The following THSD7A variants were observed in gnomAD, a reference collection of about 807,000 sequenced individuals.
THSD7A encodes the protein thrombospondin type 1 domain containing 7A.
Under a neutral mutation model 231.3 loss-of-function variants are expected in THSD7A, and 96 were observed. The observed-to-expected ratio is 0.41, with a 90% CI of 0.35 to 0.49. THSD7A has a LOEUF of 0.49. THSD7A is among the 20% of genes least tolerant of loss of function. The pLI, the probability that THSD7A is intolerant of heterozygous loss-of-function variation, is 0.05. For missense variants in THSD7A, 2,290 were observed against 2,070.2 expected (o/e 1.11, Z -2.06); for synonymous variants, 940 against 743.3 (o/e 1.26, Z -4.30).
At chr7:11,440,754 G>T (rs1310584913) in intron 13 of THSD7A, among the ~76,000 whole-genome samples, 7 of 152,068 alleles carry the variant, frequency 4.6e-5, no homozygotes, top group Non-Finnish European at 7.4e-5. Flanking sequence ...AGCAAAGAAA[G>T]TGTTTCTTAA....
At chr7:11,756,895 G>C (rs1782696085) in intron 1 of THSD7A, among the ~76,000 whole-genome samples, 1 of 151,982 alleles carries the variant, frequency 6.6e-6, no homozygotes, top group African/African-American at 2.4e-5. Context: ...CTAGGGTTTT[G>C]AGATTATTTT....
chr7:11,510,043 G>C (rs1787739103), intron 6 of THSD7A, among the ~76,000 whole-genome samples: 1 of 151,674 alleles, frequency 6.6e-6, no homozygotes, highest in African/African-American at 2.4e-5. Context: ...CCCACTACTG[G>C]GTATCTACCC....
intron 4 of THSD7A, among the ~76,000 whole-genome samples, chr7:11,583,403 T>C (rs1226206984): frequency 3.3e-5 from 5 of 151,998 alleles, no homozygotes; most frequent in Admixed American, 2.6e-4. Context: ...CAGCCTCCCA[T>C]GTAGATGGGA....
chr7:11,537,862 C>T (rs1215348685), intron 6 of THSD7A, among the ~76,000 whole-genome samples: 1 of 152,178 alleles, frequency 6.6e-6, no homozygotes, highest in Non-Finnish European at 1.5e-5. Context: ...CCTCAGTGCT[C>T]ATCTCCACAT....
intron 2 of THSD7A, among the ~76,000 whole-genome samples, chr7:11,606,662 C>T (rs953189085): frequency 2.9e-5 from 3 of 102,784 alleles, no homozygotes; most frequent in Non-Finnish European, 8.3e-5. Context: ...TTTAATAATA[C>T]TTTTTTATAT....
chr7:11,616,947 A>G (rs1450388353), intron 2 of THSD7A, among the ~76,000 whole-genome samples: 1 of 152,222 alleles, frequency 6.6e-6, no homozygotes, highest in Non-Finnish European at 1.5e-5. Context: ...AAATGTAATT[A>G]TCATCTTATT....
At chr7:11,678,180 G>A (rs1368008488) in intron 1 of THSD7A, among the ~76,000 whole-genome samples, 2 of 152,126 alleles carry the variant, frequency 1.3e-5, no homozygotes, top group African/African-American at 2.4e-5. Context: ...GAATATCTGG[G>A]ACACAGCTAA....
chr7:11,449,611 A>G (rs1310350162), intron 11 of THSD7A, among the ~76,000 whole-genome samples: 1 of 152,076 alleles, frequency 6.6e-6, no homozygotes, highest in Middle Eastern at 3.2e-3. Context: ...AAATTTGTAC[A>G]GGGAATAGAT....
In THSD7A at chr7:11,634,612, T is replaced by TAC. The variant is rs906106757; in HGVS notation, c.1022+1516_1022+1517dup. ...AGAGGTACACACACACACACACACA[T>TAC]ACACACACACACATTTAAGGAGTTG... is the stretch of plus-strand genomic sequence containing the variant. On this transcript the variant is annotated intron_variant, in intron 2 of 27. Coordinates refer to ENST00000423059, the MANE Select transcript of THSD7A (RefSeq NM_015204.3). The surrounding 1 kb of genome is among the most constrained non-coding windows in gnomAD (Gnocchi z 4.1). Among the ~76,000 whole-genome samples the TAC allele has an allele frequency of 6.3e-5, 9 of 143,332 alleles. No individual in the cohort carries two copies. Among genetic ancestry groups the TAC allele is most frequent in the African/African-American group, 2.3e-4 (9 of 39,292 alleles). The allele number at this position is 143,332 out of a possible 152,430, so 94.0% of individuals were successfully genotyped here.
At chr7:11,697,047 GC>G (rs1415738343) in intron 1 of THSD7A, among the ~76,000 whole-genome samples, 2 of 151,326 alleles carry the variant, frequency 1.3e-5, no homozygotes, top group Non-Finnish European at 3.0e-5. Context: ...CAAATTGATT[GC>G]TATCTCCTTG....
chr7:11,643,603 G>GCGCACA (rs1554259053), intron 1 of THSD7A, among the ~76,000 whole-genome samples: 1 of 149,504 alleles, frequency 6.7e-6, no homozygotes, highest in African/African-American at 2.5e-5. Context: ...ACGCACGCGC[G>GCGCACA]CACACACACA....
Position 11,686,071 on chromosome 7 carries a change from C to T in THSD7A, c.191-49110G>A, listed in dbSNP as rs192086274. On this transcript the variant is annotated intron_variant, in intron 1 of 27. Transcript: ENST00000423059. ...TCATGTCCTTTTCAGTGTTAGCAAACTAACACAGAAACAGAAACCCAAATA... is the reference window on the plus strand; with the variant it reads ...TCATGTCCTTTTCAGTGTTAGCAAATTAACACAGAAACAGAAACCCAAATA... 2.4e-3 allele frequency among the ~76,000 whole-genome samples: 366 copies of T among 151,698 alleles called. 7 individuals are homozygous for T. The East Asian group carries it at 0.043, about 18-fold the overall frequency.
At chr7:11,820,331 GCTGTAAATTGTC>G in intron 1 of THSD7A, 1 of 851,600 alleles carries the variant, frequency 1.2e-6, no homozygotes, top group Non-Finnish European at 1.7e-6. Flanking sequence ...TCGGTTGTGG[GCTGTAAATTGTC>G]CTTCTCTTCT....
chr7:11,512,944 T>TATATATATATAA (rs1787878369), intron 6 of THSD7A, among the ~76,000 whole-genome samples: 1 of 104,264 alleles, frequency 9.6e-6, no homozygotes, highest in African/African-American at 4.1e-5. Context: ...GAAACTATGA[T>TATATATATATAA]ATATATATAT....
chr7:11,689,959 A>C (rs2128141632), intron 1 of THSD7A, among the ~76,000 whole-genome samples: 1 of 151,894 alleles, frequency 6.6e-6, no homozygotes, highest in East Asian at 2.0e-4. Context: ...ATTTTATTTC[A>C]AGGAGGATAT....
intron 1 of THSD7A, among the ~76,000 whole-genome samples, chr7:11,672,358 T>G (rs905717575): frequency 4.6e-5 from 5 of 109,258 alleles, no homozygotes; most frequent in African/African-American, 1.5e-4. Context: ...TATTTAAAAT[T>G]TACTGCATTA....
intron 1 of THSD7A, among the ~76,000 whole-genome samples, chr7:11,651,451 A>C (rs78766384): frequency 6.6e-6 from 1 of 151,304 alleles, no homozygotes; most frequent in East Asian, 2.0e-4. Context: ...TGTTTTCTCT[A>C]CCACTGTATC....
At chr7:11,749,103 G>A (rs1336948192) in intron 1 of THSD7A, among the ~76,000 whole-genome samples, 6 of 151,910 alleles carry the variant, frequency 3.9e-5, no homozygotes, top group African/African-American at 1.4e-4. Flanking sequence ...TTTGTGGTCC[G>A]GTCATGAGGC....
intron 1 of THSD7A, among the ~76,000 whole-genome samples, chr7:11,760,436 G>T (rs1443048076): frequency 6.6e-6 from 1 of 152,076 alleles, no homozygotes; most frequent in East Asian, 1.9e-4. Context: ...AAGTAAGAAT[G>T]GCTGTTCCTC....
Sources: gnomAD v4.1 joint callset for allele counts (sites outside exome capture counted in the v4.1 genomes callset) on GRCh38, gnomAD v4.1.1 for gene constraint, Gnocchi (gnomAD v3.1) non-coding constraint, MANE v1.5 for transcripts, NCBI Gene and HGNC (gene_info 2026-07-23, HGNC 2026-07-21) for gene names.